Variants in DIS3L2 observed in about 807,000 individuals in gnomAD.
DIS3L2 encodes DIS3 like 3'-5' exoribonuclease 2.
A neutral mutation model predicts 97.5 loss-of-function variants in DIS3L2; 34 were observed. The observed-to-expected ratio is 0.35, with a 90% CI of 0.27 to 0.46. DIS3L2 has a LOEUF of 0.46. Among genes scored for constraint, DIS3L2 ranks in the 20% least tolerant of loss-of-function variants. The pLI is 1.00. For synonymous variants in DIS3L2, 435 were observed against 445.2 expected (o/e 0.98, Z 0.29); for missense variants, 1,038 against 1,146.0 (o/e 0.91, Z 1.36).
chr2:232,060,598 TC>T (rs1695677084), intron 5 of DIS3L2, among the ~76,000 whole-genome samples: 1 of 152,160 alleles, frequency 6.6e-6, no homozygotes, highest in Admixed American at 6.5e-5. Context: ...ATGTGACTTT[TC>T]CAGTTTCGTT....
chr2:232,329,785 T>TGCCGGGGGGGGGGGC, intron 14 of DIS3L2, 28 bp from the exon 15 acceptor site: 2 of 967,142 alleles, frequency 2.1e-6, no homozygotes, highest in Non-Finnish European at 2.9e-6. Context: ...ACCCCAGCGG[T>TGCCGGGGGGGGGGGC]CCCTCCCATC....
At chr2:232,087,789 G>A in intron 6 of DIS3L2, 68 bp downstream of exon 6, 2 of 1,256,210 alleles carry the variant, frequency 1.6e-6, no homozygotes, top group South Asian at 2.7e-5. Context: ...TTCCCTCTCT[G>A]CTGCAGAGTA....
intron 5 of DIS3L2, among the ~76,000 whole-genome samples, chr2:232,077,806 A>G (rs1158914264): frequency 1.3e-5 from 2 of 152,152 alleles, no homozygotes; most frequent in African/African-American, 2.4e-5. Flanking sequence ...TGTCAGTAAT[A>G]TATCTGCTAT....
chr2:232,275,087 G>A (rs1694107023), intron 13 of DIS3L2, among the ~76,000 whole-genome samples: 2 of 152,010 alleles, frequency 1.3e-5, no homozygotes, highest in African/African-American at 2.4e-5. Flanking sequence ...CCTCTGTAGA[G>A]TCTGGGCCTC....
chr2:231,983,804 G>A lies in DIS3L2; in HGVS notation c.-94+22039G>A, dbSNP rs570924027. On this transcript the variant is annotated intron_variant, in intron 1 of 20. Coordinates refer to ENST00000325385, the MANE Select transcript of DIS3L2 (RefSeq NM_152383.5). The stretch of plus-strand genomic sequence containing the variant: ...CTCAGGAGGCTGAGGCAGGAGAATC[G>A]CTTGAACCCGGGAGGTGGAGGTTGC... Among the ~76,000 whole-genome samples, 12 of 151,698 alleles carry A rather than the reference G, an allele frequency of 7.9e-5. No homozygotes were observed. The East Asian group carries it at 1.2e-3, about 15-fold the overall frequency.
intron 5 of DIS3L2, among the ~76,000 whole-genome samples, chr2:232,046,652 T>G (rs1695251798): frequency 6.6e-6 from 1 of 152,180 alleles, no homozygotes; most frequent in Non-Finnish European, 1.5e-5. Context: ...CACCCCCTTC[T>G]CCAGTTAGGT....
At chr2:232,326,651 C>T (rs1439817648) in intron 14 of DIS3L2, among the ~76,000 whole-genome samples, 1 of 147,656 alleles carries the variant, frequency 6.8e-6, no homozygotes, top group African/African-American at 2.6e-5. Flanking sequence ...GTGCTAGCTC[C>T]CTCCTCAGTG....
Position 232,104,611 on chromosome 2 carries a change from A to G in DIS3L2, c.601+16890A>G, listed in dbSNP as rs138393014. Reference sequence around the variant, plus strand: ...CCCAACCCCTGATAACTACAAATCTACTTCCTCTCTATAAATTTTCCTATT... The same window carrying G: ...CCCAACCCCTGATAACTACAAATCTGCTTCCTCTCTATAAATTTTCCTATT... On this transcript the variant is annotated intron_variant, in intron 6 of 20. Coordinates refer to ENST00000325385, the MANE Select transcript of DIS3L2 (RefSeq NM_152383.5). Among the ~76,000 whole-genome samples, 512 of 152,212 alleles carry G rather than the reference A, an allele frequency of 3.4e-3. 7 individuals are homozygous for G. Among genetic ancestry groups the G allele is most frequent in the African/African-American group, 0.011 (477 of 41,524 alleles).
intron 12 of DIS3L2, among the ~76,000 whole-genome samples, chr2:232,261,165 C>T (rs566038241): frequency 2.0e-5 from 3 of 152,280 alleles, no homozygotes; most frequent in Non-Finnish European, 4.4e-5. Flanking sequence ...GATAGTCATG[C>T]TCTCAGCTTC....
In DIS3L2 at chr2:232,090,652, TG is replaced by T. The variant is rs916379310; in HGVS notation, c.601+2932del. 4.2e-3 allele frequency among the ~76,000 whole-genome samples: 642 copies of T among 152,340 alleles called. 7 individuals carry two copies. Among genetic ancestry groups the T allele is most frequent in the African/African-American group, 0.015 (611 of 41,572 alleles). ...TTGTTATTGAAACAAACCATAACCTTGAGAATATCAAACTTTTCCTAAGACT... is the reference window on the plus strand; with the variant it reads ...TTGTTATTGAAACAAACCATAACCTTAGAATATCAAACTTTTCCTAAGACT... On this transcript the variant is annotated intron_variant, in intron 6 of 20. Transcript: ENST00000325385.
intron 8 of DIS3L2, among the ~76,000 whole-genome samples, chr2:232,162,619 AC>A (rs1388269387): frequency 2.6e-5 from 4 of 152,204 alleles, no homozygotes; most frequent in Non-Finnish European, 5.9e-5. Context: ...CTCTTGGAGC[AC>A]CCTGGTAGAT....
intron 14 of DIS3L2, among the ~76,000 whole-genome samples, chr2:232,309,786 A>G (rs1437242854): frequency 6.6e-6 from 1 of 152,194 alleles, no homozygotes. Context: ...AGGAAGTGTG[A>G]CTTCAGGGCA....
intron 6 of DIS3L2, among the ~76,000 whole-genome samples, chr2:232,107,936 A>G (rs928448617): frequency 5.3e-5 from 8 of 152,208 alleles, no homozygotes; most frequent in Non-Finnish European, 8.8e-5. Context: ...GCCCAGGACC[A>G]GATGGATTTA....
At chr2:232,040,733 T>C (rs1411335262) in intron 5 of DIS3L2, among the ~76,000 whole-genome samples, 1 of 152,228 alleles carries the variant, frequency 6.6e-6, no homozygotes, top group Non-Finnish European at 1.5e-5. Flanking sequence ...TGTATGCTGT[T>C]GTCTGTATCC....
intron 6 of DIS3L2, among the ~76,000 whole-genome samples, chr2:232,125,795 C>G (rs987263769): frequency 1.7e-4 from 26 of 152,188 alleles, no homozygotes; most frequent in African/African-American, 5.8e-4. Context: ...GCCCAGCAAG[C>G]TTGCAGCATC....
At chr2:232,226,348 C>G (rs1692647657) in intron 10 of DIS3L2, among the ~76,000 whole-genome samples, 1 of 152,178 alleles carries the variant, frequency 6.6e-6, no homozygotes, top group Non-Finnish European at 1.5e-5. Context: ...ATGTTCTAAT[C>G]CTGGCTTTGC....
intron 11 of DIS3L2, among the ~76,000 whole-genome samples, chr2:232,240,717 G>T (rs1046537640): frequency 3.3e-5 from 5 of 152,252 alleles, no homozygotes; most frequent in African/African-American, 1.2e-4. Context: ...CTCTGAGCAG[G>T]TATAGGCAGC....
chr2:232,030,207 A>T, intron 5 of DIS3L2, 127 bp downstream of exon 5: 1 of 740,620 alleles, frequency 1.4e-6, no homozygotes, highest in East Asian at 2.9e-5. Flanking sequence ...GATGGGGTGT[A>T]ATCTTGGAAG....
chr2:232,188,259 T>G (rs1691503665), intron 9 of DIS3L2, among the ~76,000 whole-genome samples: 1 of 152,232 alleles, frequency 6.6e-6, no homozygotes, highest in Non-Finnish European at 1.5e-5. Context: ...GGTATGGAGT[T>G]TCTTTTCTTG....
Sources: allele counts gnomAD v4.1 joint callset (sites outside exome capture counted in the v4.1 genomes callset), GRCh38; gene constraint gnomAD v4.1.1; transcripts MANE v1.5; gene names NCBI Gene and HGNC (gene_info 2026-07-23, HGNC 2026-07-21).